Variants in GTF2E1 observed in about 807,000 individuals in gnomAD.
GTF2E1 encodes general transcription factor IIE subunit 1, also known as TFIIE alpha subunit.
In GTF2E1, 14 loss-of-function variants were observed where a neutral mutation model predicts 34.9. The ratio of observed to expected loss-of-function variants is 0.40; its 90% confidence interval spans 0.27 to 0.63. The LOEUF is 0.63. Ranked by LOEUF, GTF2E1 falls within the 20% of genes least tolerant of loss-of-function variation. The pLI is 0.39. For missense variants in GTF2E1, 469 were observed against 557.7 expected, an observed-to-expected ratio of 0.84 and a Z score of 1.60; for synonymous variants, 188 against 192.9, an observed-to-expected ratio of 0.97 and a Z score of 0.21.
At chr3:120,763,982 C>G (rs1447634065) in intron 2 of GTF2E1, among the ~76,000 whole-genome samples, 1 of 152,184 alleles carries the variant, frequency 6.6e-6, no homozygotes, top group African/African-American at 2.4e-5. Flanking sequence ...TTCCCATGTT[C>G]ACAGCAGCCA....
Position 120,763,282 on chromosome 3 carries a change from C to G in GTF2E1, c.449-7446C>G, listed in dbSNP as rs151105480. On this transcript the variant is annotated intron_variant, in intron 2 of 4. Coordinates refer to ENST00000283875, the MANE Select transcript of GTF2E1 (RefSeq NM_005513.3). ...TTGTTGTTTTTTGCCCTTCTTCCCC[C>G]ATATTGTACCTTTTTTCCCCTTTAT... Among the ~76,000 whole-genome samples the G allele has an allele frequency of 7.7e-3, 1,166 of 152,260 alleles. 15 individuals are homozygous for G. The highest frequency in any genetic ancestry group is 0.027 in the African/African-American group (1,106 of 41,530).
In GTF2E1 at chr3:120,750,828, C is replaced by T. The variant is rs1709159050; in HGVS notation, c.276C>T (p.Tyr92=). ...GGAAAACCACTCGCCATAACTACTA[C>T]TTCATCAATTATCGTACTCTTGTTA... The part of the protein sequence containing the change: ...ADGKTTRHNY[Y]FINYRTLVNV... The change falls in exon 2 of 5, where the codon TAC becomes TAT. Residue 92 remains tyrosine (Y), a synonymous_variant. Coordinates refer to ENST00000283875, the MANE Select transcript of GTF2E1 (RefSeq NM_005513.3). 6.2e-7 allele frequency: 1 copy of T among 1,613,912 alleles called. No individual in the cohort carries two copies. The highest frequency in any genetic ancestry group is 1.3e-5 in the African/African-American group (1 of 74,914).
intron 2 of GTF2E1, among the ~76,000 whole-genome samples, chr3:120,758,712 G>A (rs1300576728): frequency 1.3e-5 from 2 of 152,072 alleles, no homozygotes; most frequent in African/African-American, 4.8e-5. Context: ...GAGAATGATG[G>A]TTTCCAGCTT....
chr3:120,755,514 T>C (rs1462304091), intron 2 of GTF2E1, among the ~76,000 whole-genome samples: 2 of 152,248 alleles, frequency 1.3e-5, no homozygotes, highest in African/African-American at 4.8e-5. Context: ...GCTAAATAGG[T>C]GTATATGTTT....
intron 4 of GTF2E1, 28 bp downstream of exon 4, chr3:120,776,692 G>A: frequency 6.3e-7 from 1 of 1,592,720 alleles, no homozygotes; most frequent in Non-Finnish European, 8.6e-7. Flanking sequence ...TAAAATGGAT[G>A]TGTCTTAGGT....
At chr3:120,772,092 T>C (rs2107612052) in intron 3 of GTF2E1, among the ~76,000 whole-genome samples, 1 of 152,274 alleles carries the variant, frequency 6.6e-6, no homozygotes, top group East Asian at 1.9e-4. Context: ...AATATGGCCA[T>C]GTATTTCTAG....
At chr3:120,774,132 G>A (rs1709378762) in intron 3 of GTF2E1, among the ~76,000 whole-genome samples, 1 of 152,148 alleles carries the variant, frequency 6.6e-6, no homozygotes, top group Non-Finnish European at 1.5e-5. Context: ...GATGTGGTTG[G>A]CCAGATCAGA....
At chr3:120,752,214 G>A (rs1335312239) in intron 2 of GTF2E1, among the ~76,000 whole-genome samples, 2 of 152,152 alleles carry the variant, frequency 1.3e-5, no homozygotes, top group Non-Finnish European at 2.9e-5. Context: ...GCTCCACAAG[G>A]AGAGATCTTG....
intron 3 of GTF2E1, among the ~76,000 whole-genome samples, chr3:120,774,631 A>C (rs1709383139): frequency 1.3e-5 from 1 of 76,074 alleles, no homozygotes; most frequent in South Asian, 4.4e-4. Flanking sequence ...TTCAGAATAT[A>C]GCAAAAAAAA....
chr3:120,750,412 T>C, intron 1 of GTF2E1, 111 bp from the exon 2 acceptor site: 1 of 650,044 alleles, frequency 1.5e-6, no homozygotes, highest in Non-Finnish European at 2.7e-6. Context: ...AATGCTTAGG[T>C]ATTAGAAATC....
intron 2 of GTF2E1, among the ~76,000 whole-genome samples, chr3:120,757,707 C>G (rs141934959): frequency 6.6e-5 from 10 of 152,038 alleles, no homozygotes; most frequent in Non-Finnish European, 4.4e-5. Flanking sequence ...AATAGATATT[C>G]CCCCGAACAT....
chr3:120,762,286 G>A lies in GTF2E1; in HGVS notation c.449-8442G>A, dbSNP rs554028084. On this transcript the variant is annotated intron_variant, in intron 2 of 4. Transcript: ENST00000283875. ...GATATCCTTGTTAACCTTCTGTCTC[G>A]TTGATCTGTCTAATATTGACAATGG... 1.2e-4 allele frequency among the ~76,000 whole-genome samples: 18 copies of A among 152,212 alleles called. No individual in the cohort carries two copies. In the South Asian group the frequency reaches 2.5e-3, roughly 21 times the overall value.
chr3:120,749,593 A>G (rs1383844101), intron 1 of GTF2E1, among the ~76,000 whole-genome samples: 3 of 152,124 alleles, frequency 2.0e-5, no homozygotes, highest in Non-Finnish European at 2.9e-5. Flanking sequence ...CTTGCATCCC[A>G]GGGATGAAGC....
At position 120,750,810 on chromosome 3, in the gene GTF2E1, C is replaced by G; in HGVS notation, c.258C>G (p.Thr86=). The change falls in exon 2 of 5, where the codon ACC becomes ACG. Residue 86 remains threonine, a synonymous_variant. Transcript: ENST00000283875. ...MRVETAADGK[T]TRHNYYFINY... ...TAGAGACTGCTGCAGACGGGAAAACCACTCGCCATAACTACTACTTCATCA... is the reference window on the plus strand; with the variant it reads ...TAGAGACTGCTGCAGACGGGAAAACGACTCGCCATAACTACTACTTCATCA... 6.2e-7 allele frequency: 1 copy of G among 1,613,970 alleles called. No homozygotes were observed. Among genetic ancestry groups the G allele is most frequent in the Non-Finnish European group, 8.5e-7 (1 of 1,179,908 alleles).
chr3:120,749,415 T>A (rs1232552483), intron 1 of GTF2E1, among the ~76,000 whole-genome samples: 1 of 152,216 alleles, frequency 6.6e-6, no homozygotes, highest in African/African-American at 2.4e-5. Context: ...CTTATTATTT[T>A]GAGATACGTC....
chr3:120,776,618 A>T lies in GTF2E1; in HGVS notation c.846A>T (p.Arg282Ser), dbSNP rs1223139087. ...KSAKERPIWL[R>S]ESTVQGAYGS... The stretch of plus-strand genomic sequence containing the variant: ...CCAAAGAGAGGCCTATTTGGTTGAG[A>T]GAAAGCACTGTCCAAGGGGCATATG... The change falls in exon 4 of 5, where the codon AGA (arginine) becomes AGT (serine). Residue 282 changes from arginine to serine, a missense_variant. Coordinates refer to ENST00000283875, the MANE Select transcript of GTF2E1 (RefSeq NM_005513.3). The T allele has an allele frequency of 1.2e-6, 2 of 1,613,890 alleles. No individual in the cohort carries two copies. Among genetic ancestry groups the T allele is most frequent in the Non-Finnish European group, 1.7e-6 (2 of 1,179,822 alleles).
chr3:120,759,998 G>A (rs1256481177), intron 2 of GTF2E1, among the ~76,000 whole-genome samples: 2 of 152,076 alleles, frequency 1.3e-5, no homozygotes, highest in Non-Finnish European at 2.9e-5. Context: ...AGCTTGATGG[G>A]GATAACATTG....
Position 120,750,950 on chromosome 3 carries a change from G to T in GTF2E1, c.398G>T (p.Ser133Ile). The change falls in exon 2 of 5, where the codon AGT (serine) becomes ATT (isoleucine). Residue 133 changes from serine (S) to isoleucine (I), a missense_variant. Ser to Ile is a moderately radical substitution (Grantham distance 142). Transcript: ENST00000283875. Reference sequence around the variant, plus strand: ...GCTTCCTTCAAATGTCCTGTCTGTAGTAGTACTTTCACAGACTTAGAAGCT... The same window carrying T: ...GCTTCCTTCAAATGTCCTGTCTGTATTAGTACTTTCACAGACTTAGAAGCT... ...NRASFKCPVC[S>I]STFTDLEANQ... 1 of 1,613,816 alleles carries T rather than the reference G, an allele frequency of 6.2e-7. No individual in the cohort carries two copies. The highest frequency in any genetic ancestry group is 1.1e-5 in the South Asian group (1 of 91,074).
chr3:120,751,742 A>G (rs905238307), intron 2 of GTF2E1, among the ~76,000 whole-genome samples: 4 of 152,212 alleles, frequency 2.6e-5, no homozygotes, highest in Admixed American at 6.5e-5. Context: ...AAAAGAGACT[A>G]GTTTTGCTAA....
Sources: gnomAD v4.1 joint callset for allele counts (sites outside exome capture counted in the v4.1 genomes callset) on GRCh38, gnomAD v4.1.1 for gene constraint, MANE v1.5 for transcripts, NCBI Gene and HGNC (gene_info 2026-07-23, HGNC 2026-07-21) for gene names.